The following CDR2 variants were observed in gnomAD, a reference collection of about 807,000 sequenced individuals.
CDR2 encodes the protein cerebellar degeneration-related protein 2.
Under a neutral mutation model 48.4 loss-of-function variants are expected in CDR2, and 34 were observed. The observed-to-expected ratio is 0.70, with a 90% CI of 0.53 to 0.94. The LOEUF (loss-of-function observed/expected upper bound fraction) is 0.94. Among genes scored for constraint, CDR2 ranks in the 40% least tolerant of loss-of-function variants. The probability of loss-of-function intolerance (pLI) is 0.00; values close to 1 mark genes in which losing one functional copy is unlikely to be tolerated. For missense variants in CDR2, 498 were observed against 549.5 expected, an observed-to-expected ratio of 0.91 and a Z score of 0.94; for synonymous variants, 240 against 219.7, an observed-to-expected ratio of 1.09 and a Z score of -0.82.
intron 1 of CDR2, among the ~76,000 whole-genome samples, chr16:22,372,713 C>G (rs915856804): frequency 6.6e-6 from 1 of 152,198 alleles, no homozygotes; most frequent in Non-Finnish European, 1.5e-5. Flanking sequence ...GTGCCAAACA[C>G]TGCACTGCAA....
intron 2 of CDR2, among the ~76,000 whole-genome samples, chr16:22,359,069 CAGATA>C (rs1177514770): frequency 6.6e-6 from 1 of 152,100 alleles, no homozygotes. Flanking sequence ...ACAGGCGCCC[CAGATA>C]TATGTAAAGC....
Position 22,374,180 on chromosome 16 carries a change from G to T in CDR2, c.79+51C>A, listed in dbSNP as rs1406196123. 4 of 1,200,310 alleles carry T rather than the reference G, an allele frequency of 3.3e-6. No individual in the cohort carries two copies. The African/African-American group carries it at 4.8e-5, about 14-fold the overall frequency. 74.4% of individuals were successfully genotyped at this position (1,200,310 alleles called of 1,614,324 possible). A position where few individuals can be genotyped will look rare whatever the true frequency, so the allele number is the denominator to read the frequency against. On this transcript the variant is annotated intron_variant, in intron 1 of 4. Transcript: ENST00000268383. ...CAACTTTTTAACAGTTTCGCAGCGG[G>T]GGCCTCCCGGGCCAGGCCGCCGCCC...
intron 2 of CDR2, among the ~76,000 whole-genome samples, chr16:22,352,526 C>A (rs138413825): frequency 3.0e-4 from 46 of 152,236 alleles, no homozygotes; most frequent in African/African-American, 1.1e-3. Context: ...TCATACCTGA[C>A]ACACAGCTGA....
chr16:22,353,828 A>G (rs886766318), intron 2 of CDR2, among the ~76,000 whole-genome samples: 2 of 152,178 alleles, frequency 1.3e-5, no homozygotes, highest in African/African-American at 2.4e-5. Context: ...AATGAAATAG[A>G]TATGTTAGTA....
chr16:22,351,483 G>C (rs1184708786), intron 2 of CDR2, among the ~76,000 whole-genome samples: 2 of 152,096 alleles, frequency 1.3e-5, no homozygotes, highest in African/African-American at 4.8e-5. Context: ...CCCACCAACA[G>C]TGTAAAACGT....
chr16:22,349,449 AG>A lies in CDR2; in HGVS notation c.342-7del. The A allele has an allele frequency of 6.2e-7, 1 of 1,614,078 alleles. No homozygotes were observed. The highest frequency in any genetic ancestry group is 8.5e-7 in the Non-Finnish European group (1 of 1,179,968). On this transcript the variant is annotated splice_polypyrimidine_tract_variant and splice_region_variant and intron_variant, in intron 3 of 4. Transcript: ENST00000268383. ...ATTCAATCGTTTCAGTCAGGCTGTG[AG>A]GAACAGACAGAAGCCACTGCTGCTT...
intron 2 of CDR2, among the ~76,000 whole-genome samples, chr16:22,354,767 G>A (rs568762739): frequency 2.6e-5 from 4 of 151,778 alleles, no homozygotes; most frequent in Non-Finnish European, 4.4e-5. Context: ...GGTGGCACAC[G>A]CCTGTAGTCC....
At chr16:22,362,002 C>T (rs374413825) in intron 2 of CDR2, among the ~76,000 whole-genome samples, 25 of 150,604 alleles carry the variant, frequency 1.7e-4, no homozygotes, top group Admixed American at 9.3e-4. Context: ...CCCGGGTTCA[C>T]GCCAATCTCC....
chr16:22,366,486 A>T (rs368403049), intron 1 of CDR2, among the ~76,000 whole-genome samples: 1 of 152,228 alleles, frequency 6.6e-6, no homozygotes, highest in African/African-American at 2.4e-5. Context: ...GGGCCACATT[A>T]GAATCAATGT....
rs138712330 is a variant in CDR2, at chr16:22,347,210, G to A, written c.1120C>T (p.Leu374=). 1.8e-5 allele frequency: 29 copies of A among 1,614,118 alleles called. No homozygotes were observed. The highest frequency in any genetic ancestry group is 2.3e-5 in the Non-Finnish European group (27 of 1,180,052). The change falls in exon 5 of 5, where the codon CTG becomes TTG. Residue 374 remains leucine, a synonymous_variant. Transcript: ENST00000268383. ...LKKCQEEQDS[L]SHKAVQTSRA... ...GAGGTCTGCACAGCCTTGTGTGACA[G>A]GGAGTCCTGTTCCTCTTGGCACTTC...
intron 2 of CDR2, among the ~76,000 whole-genome samples, chr16:22,352,913 G>A (rs558804465): frequency 9.2e-5 from 14 of 152,240 alleles, no homozygotes; most frequent in Non-Finnish European, 1.8e-4. Flanking sequence ...AGAACTAAAG[G>A]AGTAGGCCCT....
At chr16:22,357,211 G>A (rs949763424) in intron 2 of CDR2, among the ~76,000 whole-genome samples, 1 of 152,022 alleles carries the variant, frequency 6.6e-6, no homozygotes, top group African/African-American at 2.4e-5. Context: ...ACCACACCAG[G>A]CTAATTTTTG....
At chr16:22,359,283 C>T (rs1475664795) in intron 2 of CDR2, among the ~76,000 whole-genome samples, 6 of 152,046 alleles carry the variant, frequency 3.9e-5, no homozygotes, top group African/African-American at 9.7e-5. Flanking sequence ...CCCGCCACCA[C>T]GCCCAGCTAA....
chr16:22,366,195 A>C lies in CDR2; in HGVS notation c.80-1181T>G, dbSNP rs546881498. Among the ~76,000 whole-genome samples, 3 of 152,338 alleles carry C rather than the reference A, an allele frequency of 2.0e-5. No homozygotes were observed. In the East Asian group the frequency reaches 5.8e-4, roughly 29 times the overall value. ...CCAGATTAGTGGAGGAAGCCAGACA[A>C]ATGAGTAACTAAACTCACATACTGT... is the stretch of plus-strand genomic sequence containing the variant. On this transcript the variant is annotated intron_variant, in intron 1 of 4. Transcript: ENST00000268383.
At chr16:22,348,506 C>A (rs1366161679) in intron 4 of CDR2, among the ~76,000 whole-genome samples, 1 of 152,162 alleles carries the variant, frequency 6.6e-6, no homozygotes, top group East Asian at 1.9e-4. Context: ...CCAAATGATT[C>A]ATAATATGTA....
intron 2 of CDR2, among the ~76,000 whole-genome samples, chr16:22,357,301 G>C (rs890114950): frequency 6.6e-6 from 1 of 152,108 alleles, no homozygotes; most frequent in African/African-American, 2.4e-5. Context: ...CACCTGACTC[G>C]GCCTGCCAAA....
At position 22,371,278 on chromosome 16, in the gene CDR2, T is replaced by C. The variant is rs139552950; in HGVS notation, c.79+2953A>G. Among the ~76,000 whole-genome samples the C allele has an allele frequency of 9.5e-4, 144 of 152,148 alleles. 1 individual carries two copies. The highest frequency in any genetic ancestry group is 2.6e-3 in the African/African-American group (110 of 41,510). On this transcript the variant is annotated intron_variant, in intron 1 of 4. Transcript: ENST00000268383. ...TTGCTCAGTAATAATAATGAGGATG[T>C]TAAAAAACGGACAGATGCCTGCACA... is the stretch of plus-strand genomic sequence containing the variant.
intron 2 of CDR2, among the ~76,000 whole-genome samples, chr16:22,359,143 T>C (rs2048995309): frequency 1.3e-5 from 2 of 152,224 alleles, no homozygotes; most frequent in Non-Finnish European, 2.9e-5. Context: ...TCTTTTTTTT[T>C]TTGAGACGGA....
intron 1 of CDR2, among the ~76,000 whole-genome samples, chr16:22,372,281 T>C (rs139400484): frequency 5.9e-5 from 9 of 152,272 alleles, no homozygotes; most frequent in East Asian, 1.9e-4. Context: ...GCTCGGTAGA[T>C]TGAAGTGTTA....
Sources: gnomAD v4.1 joint callset for allele counts (sites outside exome capture counted in the v4.1 genomes callset) on GRCh38, gnomAD v4.1.1 for gene constraint, MANE v1.5 for transcripts, NCBI Gene and HGNC (gene_info 2026-07-23, HGNC 2026-07-21) for gene names.